The following TANGO6 variants were observed in gnomAD, a reference collection of about 807,000 sequenced individuals.
TANGO6 encodes transport and Golgi organization protein 6 homolog.
In TANGO6, 90 loss-of-function variants were observed where a neutral mutation model predicts 114.2. The observed-to-expected ratio is 0.79, with a 90% CI of 0.66 to 0.94. The LOEUF (loss-of-function observed/expected upper bound fraction) is 0.94, where lower values mean the gene tolerates loss of function less well. Ranked by LOEUF, TANGO6 falls within the 40% of genes least tolerant of loss-of-function variation. The pLI is 0.00. For missense variants in TANGO6, 1,274 were observed against 1,315.3 expected, an observed-to-expected ratio of 0.97 and a Z score of 0.49; for synonymous variants, 477 against 509.8, an observed-to-expected ratio of 0.94 and a Z score of 0.87.
chr16:69,017,248 T>C (rs929713141), intron 15 of TANGO6, among the ~76,000 whole-genome samples: 5 of 152,202 alleles, frequency 3.3e-5, no homozygotes, highest in African/African-American at 1.2e-4. Context: ...ATTTTTCCTC[T>C]TCCCCATTAG....
At chr16:69,055,250 G>A (rs1960015500) in intron 17 of TANGO6, among the ~76,000 whole-genome samples, 1 of 152,204 alleles carries the variant, frequency 6.6e-6, no homozygotes, top group Admixed American at 6.5e-5. Context: ...TTAGCCTGTT[G>A]CATCCAAAGA....
intron 6 of TANGO6, among the ~76,000 whole-genome samples, chr16:68,879,436 C>A (rs1025412461): frequency 6.6e-6 from 1 of 152,126 alleles, no homozygotes; most frequent in Admixed American, 6.6e-5. Flanking sequence ...GAGCCATGAT[C>A]ACACAGTTCC....
At chr16:68,957,035 T>C (rs764678867) in intron 14 of TANGO6, among the ~76,000 whole-genome samples, 2 of 152,150 alleles carry the variant, frequency 1.3e-5, no homozygotes, top group Non-Finnish European at 2.9e-5. Context: ...GCATATCTCC[T>C]ATGGAAGAAG....
intron 17 of TANGO6, among the ~76,000 whole-genome samples, chr16:69,066,292 G>GTTTA (rs576314226): frequency 2.0e-5 from 3 of 149,998 alleles, no homozygotes; most frequent in Admixed American, 1.3e-4. Flanking sequence ...TCATTCATTT[G>GTTTA]TTTATTTATT....
At chr16:68,967,191 A>G (rs950538441) in intron 14 of TANGO6, among the ~76,000 whole-genome samples, 4 of 152,212 alleles carry the variant, frequency 2.6e-5, no homozygotes, top group Admixed American at 6.5e-5. Flanking sequence ...ATGGAAGACA[A>G]TATTTCCATG....
chr16:68,942,550 A>G (rs147806625), intron 14 of TANGO6, among the ~76,000 whole-genome samples: 1 of 152,222 alleles, frequency 6.6e-6, no homozygotes, highest in African/African-American at 2.4e-5. Flanking sequence ...GATTGTTTGA[A>G]TTTAATCTGA....
chr16:69,056,032 T>TC (rs1461772817), intron 17 of TANGO6, among the ~76,000 whole-genome samples: 1 of 150,504 alleles, frequency 6.6e-6, no homozygotes, highest in Non-Finnish European at 1.5e-5. Flanking sequence ...AGAGCAAGAC[T>TC]CCATCTCAAA....
intron 14 of TANGO6, among the ~76,000 whole-genome samples, chr16:68,968,285 C>T (rs1287975404): frequency 1.3e-5 from 2 of 151,724 alleles, no homozygotes; most frequent in Non-Finnish European, 2.9e-5. Context: ...AGGCTGGTCT[C>T]AAATTCCTGA....
At position 68,846,535 on chromosome 16, in the gene TANGO6, G is replaced by A. The variant is rs148217716; in HGVS notation, c.94+2824G>A. The A allele has an allele frequency of 5.0e-4, 161 of 318,936 alleles. 1 individual carries two copies. Among genetic ancestry groups the A allele is most frequent in the Middle Eastern group, 2.3e-3 (2 of 874 alleles). The allele number at this position is 318,936 out of a possible 1,614,324, so 19.8% of individuals were successfully genotyped here. On this transcript the variant is annotated intron_variant, in intron 1 of 17. Coordinates refer to ENST00000261778, the MANE Select transcript of TANGO6 (RefSeq NM_024562.2). Reference sequence around the variant, plus strand: ...TTTTTAGACGGAGTCTTGCTCTGTCGCCCAAGCTGGAGTGCAGTGGTGCGA... The same window carrying A: ...TTTTTAGACGGAGTCTTGCTCTGTCACCCAAGCTGGAGTGCAGTGGTGCGA...
chr16:68,887,915 A>G (rs936155669), intron 7 of TANGO6, among the ~76,000 whole-genome samples: 4 of 151,882 alleles, frequency 2.6e-5, no homozygotes, highest in Admixed American at 6.6e-5. Flanking sequence ...AAAAGAGTAA[A>G]CCCTCAATGC....
intron 14 of TANGO6, among the ~76,000 whole-genome samples, chr16:68,940,170 C>T (rs935691207): frequency 1.5e-5 from 2 of 131,862 alleles, no homozygotes; most frequent in East Asian, 4.1e-4. Context: ...TTCCTTTCTT[C>T]CTTCCTTCCT....
At chr16:68,969,784 A>G (rs2152211728) in intron 14 of TANGO6, among the ~76,000 whole-genome samples, 1 of 152,228 alleles carries the variant, frequency 6.6e-6, no homozygotes, top group South Asian at 2.1e-4. Context: ...CATGAGCATT[A>G]GAGGGTGTTT....
At chr16:68,985,872 C>CTT (rs1024119374) in intron 15 of TANGO6, among the ~76,000 whole-genome samples, 11 of 152,070 alleles carry the variant, frequency 7.2e-5, no homozygotes, top group African/African-American at 2.4e-4. Flanking sequence ...TTTGTTTTGC[C>CTT]TTTTTTCTTT....
intron 9 of TANGO6, among the ~76,000 whole-genome samples, chr16:68,906,499 A>C (rs1455430943): frequency 6.6e-6 from 1 of 151,834 alleles, no homozygotes; most frequent in African/African-American, 2.4e-5. Flanking sequence ...CAGGACCCAG[A>C]ATATCTGCAT....
intron 7 of TANGO6, among the ~76,000 whole-genome samples, chr16:68,881,403 A>G (rs1962460767): frequency 6.6e-6 from 1 of 152,172 alleles, no homozygotes; most frequent in Non-Finnish European, 1.5e-5. Context: ...AATCCCAGCT[A>G]CTTAGGAGGC....
chr16:69,082,717 C>A (rs1960483882), intron 17 of TANGO6, among the ~76,000 whole-genome samples: 1 of 152,094 alleles, frequency 6.6e-6, no homozygotes, highest in Admixed American at 6.5e-5. Context: ...TGCACTCCAG[C>A]CTGGCAACAG....
At chr16:69,029,713 T>G (rs1024255588) in intron 16 of TANGO6, among the ~76,000 whole-genome samples, 19 of 152,140 alleles carry the variant, frequency 1.2e-4, no homozygotes, top group Admixed American at 1.2e-3. Context: ...GACATTCTAG[T>G]AAAGACATTT....
chr16:69,056,969 C>A (rs934728726), intron 17 of TANGO6, among the ~76,000 whole-genome samples: 2 of 150,286 alleles, frequency 1.3e-5, no homozygotes, highest in Non-Finnish European at 2.9e-5. Flanking sequence ...CATGAGCCAC[C>A]AAGCCCAGCC....
At chr16:68,944,539 G>A (rs1165803688) in intron 14 of TANGO6, among the ~76,000 whole-genome samples, 1 of 152,100 alleles carries the variant, frequency 6.6e-6, no homozygotes, top group Non-Finnish European at 1.5e-5. Flanking sequence ...AATAAGAGGA[G>A]GAAAGACCCT....
Sources: allele counts gnomAD v4.1 joint callset (sites outside exome capture counted in the v4.1 genomes callset), GRCh38; gene constraint gnomAD v4.1.1; transcripts MANE v1.5; gene names NCBI Gene and HGNC (gene_info 2026-07-23, HGNC 2026-07-21).